ZMYND8: variants seen among roughly 807,000 people sequenced by gnomAD.
The protein encoded by ZMYND8 is zinc finger MYND-type containing 8, also known as MYND-type zinc finger-containing chromatin reader ZMYND8.
In ZMYND8, 37 loss-of-function variants were observed where a neutral mutation model predicts 140.8. The ratio of observed to expected loss-of-function variants is 0.26; its 90% CI spans 0.20 to 0.35. ZMYND8 has a LOEUF of 0.35. ZMYND8 is among the 10% of genes least tolerant of loss of function. The pLI, the probability that ZMYND8 is intolerant of heterozygous loss-of-function variation, is 1.00. For synonymous variants in ZMYND8, 592 were observed against 597.1 expected, an observed-to-expected ratio of 0.99 and a Z score of 0.12; for missense variants, 1,068 against 1,570.0, an observed-to-expected ratio of 0.68 and a Z score of 5.40.
intron 11 of ZMYND8, among the ~76,000 whole-genome samples, chr20:47,271,362 A>G (rs936615668): frequency 3.9e-5 from 6 of 152,214 alleles, no homozygotes; most frequent in Non-Finnish European, 5.9e-5. Flanking sequence ...TCATTGTAGC[A>G]CTAAAGTAGC....
intron 15 of ZMYND8, 93 bp downstream of exon 15, chr20:47,238,665 T>C: frequency 9.5e-6 from 11 of 1,157,198 alleles, no homozygotes; most frequent in South Asian, 3.0e-5. Flanking sequence ...AAACGAGAAC[T>C]AAAAAAAAAA....
chr20:47,221,428 T>G lies in ZMYND8; in HGVS notation c.3303A>C (p.Thr1101=), dbSNP rs768961804. 1.9e-5 allele frequency: 31 copies of G among 1,614,168 alleles called. 1 individual carries two copies. In the South Asian group the frequency reaches 3.3e-4, roughly 17 times the overall value. ...AGCTCCCCTGGGAGGACTTATTTAGTGTTTCTGTGTTCACCTCAGCATCCG... is the reference window on the plus strand; with the variant it reads ...AGCTCCCCTGGGAGGACTTATTTAGGGTTTCTGTGTTCACCTCAGCATCCG... ...QEADAEVNTE[T]LNKSSQGSSS... Residue 1101 remains threonine, a synonymous_variant, in exon 20 of 23, where the codon ACA becomes ACC. Coordinates refer to ENST00000471951, the MANE Select transcript of ZMYND8 (RefSeq NM_001281775.3).
intron 1 of ZMYND8, chr20:47,349,842 T>C (rs2082626968): frequency 2.0e-6 from 3 of 1,516,236 alleles, no homozygotes; most frequent in Non-Finnish European, 2.6e-6. Context: ...TATGCAGAAC[T>C]GAGCCAAAAA....
chr20:47,298,511 T>A lies in ZMYND8; in HGVS notation c.453+218A>T, dbSNP rs1454895351. 1.0e-6 allele frequency: 1 copy of A among 985,248 alleles called. No individual in the cohort carries two copies. The highest frequency in any genetic ancestry group is 1.1e-4 in the East Asian group (1 of 8,824). 61.0% of individuals were successfully genotyped at this position (985,248 alleles called of 1,614,324 possible). A position where few individuals can be genotyped will look rare whatever the true frequency, so the allele number is the denominator to read the frequency against. On this transcript the variant is annotated intron_variant, in intron 4 of 22. Transcript: ENST00000471951. The surrounding 1 kb of genome is among the most constrained non-coding windows in gnomAD (Gnocchi z 5.0). The stretch of plus-strand genomic sequence containing the variant: ...AAGGAATCCAAGGACTCATGAGAAA[T>A]CAGAAATAATATTCCGTGCAATTGT...
intron 14 of ZMYND8, among the ~76,000 whole-genome samples, chr20:47,241,294 CAAAA>C (rs11476591): frequency 1.9e-4 from 12 of 62,048 alleles, no homozygotes; most frequent in African/African-American, 4.7e-4. Context: ...GACTCCGTCT[CAAAA>C]AAAAAAAAAA....
At chr20:47,280,162 C>T (rs2076520341) in intron 10 of ZMYND8, among the ~76,000 whole-genome samples, 1 of 151,522 alleles carries the variant, frequency 6.6e-6, no homozygotes, top group Non-Finnish European at 1.5e-5. Context: ...GTCAGAGACT[C>T]CCTGCCCAAA....
chr20:47,235,427 G>A (rs1010868058), intron 16 of ZMYND8, among the ~76,000 whole-genome samples: 7 of 152,080 alleles, frequency 4.6e-5, no homozygotes, highest in East Asian at 1.9e-4. Flanking sequence ...TTGGCAGGCC[G>A]GGCCTGGTGG....
In ZMYND8 at chr20:47,298,710, T is replaced by C. The variant is rs764495816; in HGVS notation, c.453+19A>G. 1 of 1,606,206 alleles carries C rather than the reference T, an allele frequency of 6.2e-7. No homozygotes were observed. The highest frequency in any genetic ancestry group is 8.5e-7 in the Non-Finnish European group (1 of 1,175,676). Reference sequence around the variant, plus strand: ...AGAGGAAACGAGGCAGGTAATGCATTCATTCATCAGGAACTAACCTCACAT... The same window carrying C: ...AGAGGAAACGAGGCAGGTAATGCATCCATTCATCAGGAACTAACCTCACAT... On this transcript the variant is annotated intron_variant, in intron 4 of 22. Coordinates refer to ENST00000471951, the MANE Select transcript of ZMYND8 (RefSeq NM_001281775.3). This position sits in a 1 kb window ranked among gnomAD's most constrained non-coding sequence, Gnocchi z 5.0.
chr20:47,231,475 A>G (rs2038474946), intron 16 of ZMYND8, among the ~76,000 whole-genome samples: 1 of 152,178 alleles, frequency 6.6e-6, no homozygotes. Flanking sequence ...CCACGCAAAC[A>G]CTGCAGCTCG....
intron 11 of ZMYND8, among the ~76,000 whole-genome samples, chr20:47,272,497 A>G (rs925023841): frequency 6.6e-6 from 1 of 152,160 alleles, no homozygotes; most frequent in Non-Finnish European, 1.5e-5. Flanking sequence ...AATAACTTAC[A>G]TCGAGATCGC....
intron 4 of ZMYND8, among the ~76,000 whole-genome samples, chr20:47,295,400 T>C (rs1264589972): frequency 6.6e-6 from 1 of 152,074 alleles, no homozygotes; most frequent in Non-Finnish European, 1.5e-5. Context: ...CTCAAAAATA[T>C]GTATGTATAA....
intron 2 of ZMYND8, among the ~76,000 whole-genome samples, chr20:47,327,957 G>T (rs1374132416): frequency 6.6e-6 from 1 of 152,114 alleles, no homozygotes; most frequent in Non-Finnish European, 1.5e-5. Context: ...TGAGGCTACA[G>T]GTGCATGCCA....
At chr20:47,335,638 C>T (rs1005558680) in intron 2 of ZMYND8, among the ~76,000 whole-genome samples, 2 of 152,124 alleles carry the variant, frequency 1.3e-5, no homozygotes, top group Non-Finnish European at 2.9e-5. Context: ...AAGCTTGAAA[C>T]GGTCGATTTT....
intron 7 of ZMYND8, 70 bp downstream of exon 7, chr20:47,290,117 C>T: frequency 6.9e-7 from 1 of 1,442,354 alleles, no homozygotes; most frequent in Non-Finnish European, 9.5e-7. Flanking sequence ...CCTGATTTTT[C>T]ATGAAGGACA....
At chr20:47,260,539 C>A (rs1365141120) in intron 12 of ZMYND8, among the ~76,000 whole-genome samples, 1 of 152,212 alleles carries the variant, frequency 6.6e-6, no homozygotes, top group East Asian at 1.9e-4. Flanking sequence ...CTTCTAGAAT[C>A]TTTTTCCTCC....
intron 2 of ZMYND8, among the ~76,000 whole-genome samples, chr20:47,324,039 A>G (rs991568766): frequency 1.3e-5 from 2 of 151,678 alleles, no homozygotes; most frequent in Non-Finnish European, 2.9e-5. Context: ...TCTCCACTAC[A>G]AATACAAAAA....
chr20:47,312,340 G>A (rs1470742978), intron 2 of ZMYND8, among the ~76,000 whole-genome samples: 1 of 152,168 alleles, frequency 6.6e-6, no homozygotes, highest in Non-Finnish European at 1.5e-5. Flanking sequence ...CCAATCTACA[G>A]GATGGAACTC....
intron 21 of ZMYND8, among the ~76,000 whole-genome samples, chr20:47,214,224 G>C (rs770705852): frequency 2.0e-5 from 3 of 152,190 alleles, no homozygotes; most frequent in Admixed American, 2.0e-4. Flanking sequence ...ATTAGAAGGG[G>C]ATCAAAACTG....
chr20:47,333,724 CAAAAAAAAAAAAAAAAAAAA>C (rs57968979), intron 2 of ZMYND8, among the ~76,000 whole-genome samples: 1 of 29,726 alleles, frequency 3.4e-5, no homozygotes, highest in African/African-American at 1.1e-4. Context: ...GACTCCGTCT[CAAAAAAAAAAAAAAAAAAAA>C]AAAAAAAAAA....
Sources: allele counts gnomAD v4.1 joint callset (sites outside exome capture counted in the v4.1 genomes callset), GRCh38; gene constraint gnomAD v4.1.1; non-coding constraint Gnocchi (gnomAD v3.1); transcripts MANE v1.5; gene names NCBI Gene and HGNC (gene_info 2026-07-23, HGNC 2026-07-21).